CATSPERE: variants seen among roughly 807,000 people sequenced by gnomAD.
CATSPERE encodes catsper channel auxiliary subunit epsilon.
In CATSPERE, 93 loss-of-function variants were observed where a neutral mutation model predicts 114.1. The observed-to-expected ratio is 0.81, with a 90% CI of 0.69 to 0.97. CATSPERE has a LOEUF of 0.97. Among genes scored for constraint, CATSPERE ranks in the 50% least tolerant of loss-of-function variants. The probability of loss-of-function intolerance (pLI) is 0.00; values close to 1 mark genes in which losing one functional copy is unlikely to be tolerated. For missense variants in CATSPERE, 1,058 were observed against 1,131.6 expected, an observed-to-expected ratio of 0.93 and a Z score of 0.93; for synonymous variants, 341 against 384.1, an observed-to-expected ratio of 0.89 and a Z score of 1.31.
chr1:244,494,600 A>G (rs1672799266), intron 6 of CATSPERE, among the ~76,000 whole-genome samples: 1 of 151,194 alleles, frequency 6.6e-6, no homozygotes, highest in Non-Finnish European at 1.5e-5. Flanking sequence ...CTTAAAGTAT[A>G]ATAAAAAAAA....
At chr1:244,577,404 A>G (rs1433713447) in intron 11 of CATSPERE, among the ~76,000 whole-genome samples, 1 of 152,236 alleles carries the variant, frequency 6.6e-6, no homozygotes, top group Non-Finnish European at 1.5e-5. Context: ...AGTTGAATGA[A>G]AATTATAAGA....
chr1:244,482,155 G>A (rs1305937277), intron 5 of CATSPERE, among the ~76,000 whole-genome samples: 1 of 152,180 alleles, frequency 6.6e-6, no homozygotes, highest in Non-Finnish European at 1.5e-5. Context: ...TCTGTCACCT[G>A]TAAAAATATC....
Position 244,498,980 on chromosome 1 carries a change from G to A in CATSPERE, c.352-22G>A, listed in dbSNP as rs370422412. ...AAATTTGTACAAAATGTAAAGAAAT[G>A]CAAACAAATTTTATTTTCTAGCTTA... On this transcript the variant is annotated intron_variant, in intron 6 of 21. Coordinates refer to ENST00000366534, the MANE Select transcript of CATSPERE (RefSeq NM_001130957.2). 1.2e-5 allele frequency: 19 copies of A among 1,571,114 alleles called. No homozygotes were observed. The African/African-American group carries it at 1.4e-4, about 11-fold the overall frequency.
chr1:244,624,119 G>A (rs1672763317), intron 20 of CATSPERE, among the ~76,000 whole-genome samples: 1 of 121,474 alleles, frequency 8.2e-6, no homozygotes. Context: ...CCGCCACCAT[G>A]CCCAGCTAAT....
intron 8 of CATSPERE, among the ~76,000 whole-genome samples, chr1:244,520,008 C>G (rs1677257411): frequency 6.7e-6 from 1 of 148,324 alleles, no homozygotes; most frequent in African/African-American, 2.6e-5. Context: ...CATGACTAGC[C>G]CTAAGAGTTC....
chr1:244,477,938 C>A lies in CATSPERE; in HGVS notation c.221C>A (p.Pro74His). 1 of 1,610,144 alleles carries A rather than the reference C, an allele frequency of 6.2e-7. No homozygotes were observed. The highest frequency in any genetic ancestry group is 8.5e-7 in the Non-Finnish European group (1 of 1,177,000). The change falls in exon 4 of 22, where the codon CCT (proline) becomes CAT (histidine). Residue 74 changes from proline (P) to histidine (H), a missense_variant. Transcript: ENST00000366534. ...ACGACAGAATTGCGTTGTTCCTCACCTGGTGTTCACGCTATAAAACCAATT... is the reference window on the plus strand; with the variant it reads ...ACGACAGAATTGCGTTGTTCCTCACATGGTGTTCACGCTATAAAACCAATT... ...SPTTELRCSS[P>H]GVHAIKPIVT...
At chr1:244,561,217 C>G (rs1662506525) in intron 10 of CATSPERE, 72 bp downstream of exon 10, 1 of 1,112,974 alleles carries the variant, frequency 9.0e-7, no homozygotes, top group African/African-American at 1.6e-5. Flanking sequence ...TGATGTAACA[C>G]TTTTTAATGT....
chr1:244,498,523 A>T (rs1179613551), intron 6 of CATSPERE, among the ~76,000 whole-genome samples: 1 of 152,218 alleles, frequency 6.6e-6, no homozygotes, highest in Admixed American at 6.5e-5. Context: ...CAAGTGACAA[A>T]TGTTAAGTTA....
chr1:244,572,481 G>A lies in CATSPERE; in HGVS notation c.1659G>A (p.Leu553=), dbSNP rs144931841. ...FLSTSGQTYF[L]YALDDGTIQI... Reference sequence around the variant, plus strand: ...GTACATCTGGTCAAACATATTTCCTGTATGCTTTGGATGATGGCACAATAC... The same window carrying A: ...GTACATCTGGTCAAACATATTTCCTATATGCTTTGGATGATGGCACAATAC... The change falls in exon 11 of 22, where the codon CTG becomes CTA. Residue 553 remains leucine (L), a synonymous_variant. Coordinates refer to ENST00000366534, the MANE Select transcript of CATSPERE (RefSeq NM_001130957.2). 518 of 1,614,086 alleles carry A rather than the reference G, an allele frequency of 3.2e-4. No individual in the cohort carries two copies. The highest frequency in any genetic ancestry group is 4.2e-4 in the Non-Finnish European group (491 of 1,179,972).
chr1:244,505,348 G>A (rs879837790), intron 7 of CATSPERE, among the ~76,000 whole-genome samples: 5 of 152,254 alleles, frequency 3.3e-5, no homozygotes, highest in African/African-American at 1.2e-4. Flanking sequence ...CATCAAGATC[G>A]GGGTACTAGG....
chr1:244,471,471 C>T (rs1417802333), intron 2 of CATSPERE, among the ~76,000 whole-genome samples: 2 of 152,104 alleles, frequency 1.3e-5, no homozygotes, highest in Non-Finnish European at 2.9e-5. Flanking sequence ...GCGTTATCAC[C>T]GTAATAATGA....
At chr1:244,542,296 G>A (rs531635177) in intron 8 of CATSPERE, among the ~76,000 whole-genome samples, 20 of 152,244 alleles carry the variant, frequency 1.3e-4, no homozygotes, top group South Asian at 1.0e-3. Context: ...ACAGCTGAGT[G>A]GCGACTCTAC....
chr1:244,635,641 C>T lies in CATSPERE; in HGVS notation c.2702+99C>T, dbSNP rs540858347. On this transcript the variant is annotated intron_variant, in intron 21 of 21. Coordinates refer to ENST00000366534, the MANE Select transcript of CATSPERE (RefSeq NM_001130957.2). The stretch of plus-strand genomic sequence containing the variant: ...ACCTCTCCCCCGTGTCTCCCAGAAG[C>T]AGCCTGTGCACTCACTTTTCAGGGC... 3 of 834,254 alleles carry T rather than the reference C, an allele frequency of 3.6e-6. No individual in the cohort carries two copies. In the South Asian group the frequency reaches 4.5e-5, roughly 13 times the overall value. 51.7% of individuals were successfully genotyped at this position (834,254 alleles called of 1,614,324 possible).
intron 20 of CATSPERE, among the ~76,000 whole-genome samples, chr1:244,635,203 A>C (rs1163857533): frequency 6.6e-6 from 1 of 152,150 alleles, no homozygotes; most frequent in Non-Finnish European, 1.5e-5. Flanking sequence ...ATTTCTGCCA[A>C]TACTTATTAT....
In CATSPERE at chr1:244,563,854, T is replaced by TA. The variant is rs1212562435; in HGVS notation, c.1507+2709_1507+2710insA. On this transcript the variant is annotated intron_variant, in intron 10 of 21. Transcript: ENST00000366534. Reference sequence around the variant, plus strand: ...CCCATGCCTATGTCCTGAATGGTATTGCCTAGGTTTTCTTTTAGGGTTTTT... The same window carrying TA: ...CCCATGCCTATGTCCTGAATGGTATTAGCCTAGGTTTTCTTTTAGGGTTTTT... Among the ~76,000 whole-genome samples the TA allele has an allele frequency of 9.8e-5, 15 of 152,310 alleles. No individual in the cohort carries two copies. In the East Asian group the frequency reaches 2.9e-3, roughly 29 times the overall value.
intron 17 of CATSPERE, among the ~76,000 whole-genome samples, chr1:244,605,022 A>G (rs1404795143): frequency 2.0e-5 from 3 of 152,148 alleles, no homozygotes; most frequent in African/African-American, 4.8e-5. Flanking sequence ...AGGTGTGACT[A>G]TAGATCCAGG....
At chr1:244,567,038 C>T (rs1029211584) in intron 10 of CATSPERE, among the ~76,000 whole-genome samples, 1 of 152,120 alleles carries the variant, frequency 6.6e-6, no homozygotes, top group African/African-American at 2.4e-5. Flanking sequence ...TAAGGCAGGC[C>T]TGGTGGTGAC....
At chr1:244,452,175 A>C (rs1313490148), upstream of CATSPERE, 1 of 179,300 alleles carries the variant, frequency 5.6e-6, no homozygotes, top group African/African-American at 2.3e-5. Flanking sequence ...CGGGGCTTCG[A>C]GAGCGCTTCT....
chr1:244,461,285 C>T lies in CATSPERE; in HGVS notation c.-145C>T. The T allele has an allele frequency of 3.2e-6, 2 of 617,950 alleles. No individual in the cohort carries two copies. Among genetic ancestry groups the T allele is most frequent in the Non-Finnish European group, 4.7e-6 (2 of 426,162 alleles). 38.3% of individuals were successfully genotyped at this position (617,950 alleles called of 1,614,324 possible). On this transcript the variant is annotated 5_prime_UTR_variant, in exon 1 of 22. Coordinates refer to ENST00000366534, the MANE Select transcript of CATSPERE (RefSeq NM_001130957.2). ...CACGCGCACGCGCACACTTCTCCCT[C>T]GCTGGTCTTCAGGCCCGGCCCGCCC...
Sources: allele counts gnomAD v4.1 joint callset (sites outside exome capture counted in the v4.1 genomes callset), GRCh38; gene constraint gnomAD v4.1.1; transcripts MANE v1.5; gene names NCBI Gene and HGNC (gene_info 2026-07-23, HGNC 2026-07-21).